Variants in SLC26A4 observed in about 807,000 individuals in gnomAD.
The protein encoded by SLC26A4 is pendrin.
In SLC26A4, 93 loss-of-function variants were observed where a neutral mutation model predicts 90.4. That is an observed-to-expected ratio of 1.03 (90% CI 0.87 to 1.22). The LOEUF (loss-of-function observed/expected upper bound fraction) is 1.22, where lower values mean the gene tolerates loss of function less well. SLC26A4 is among the 50% of genes most tolerant of loss of function. SLC26A4 has a pLI of 0.00. For missense variants in SLC26A4, 1,127 were observed against 946.2 expected, an observed-to-expected ratio of 1.19 and a Z score of -2.51; for synonymous variants, 393 against 354.6, an observed-to-expected ratio of 1.11 and a Z score of -1.22.
In SLC26A4 at chr7:107,716,381, T is replaced by G. The variant is rs1792346919; in HGVS notation, c.*935T>G. ...TGAGTTTATATTTTTTCTCAAAAATTTTAGCAGTGTGTAAAGTAAGTAATC... is the reference window on the plus strand; with the variant it reads ...TGAGTTTATATTTTTTCTCAAAAATGTTAGCAGTGTGTAAAGTAAGTAATC... On this transcript the variant is annotated 3_prime_UTR_variant, in exon 21 of 21. Transcript: ENST00000644269. 6.6e-6 allele frequency: 1 copy of G among 152,170 alleles called. No individual in the cohort carries two copies. Among genetic ancestry groups the G allele is most frequent in the South Asian group, 2.1e-4 (1 of 4,830 alleles). The allele number at this position is 152,170 out of a possible 1,614,324, so 9.4% of individuals were successfully genotyped here.
chr7:107,689,186 A>G lies in SLC26A4; in HGVS notation c.1135A>G (p.Ile379Val), dbSNP rs1256785857. The change falls in exon 9 of 21, where the codon ATC becomes GTC. Residue 379 changes from isoleucine (I) to valine (V), a missense_variant. Transcript: ENST00000644269. The part of the protein sequence containing the change: ...KVYATKYDYT[I>V]DGNQEFIAFG... ...ATATGCCACCAAGTATGATTACACC[A>G]TCGATGGGAACCAGGTATGGGTGCC... is the stretch of plus-strand genomic sequence containing the variant. 5 of 1,613,702 alleles carry G rather than the reference A, an allele frequency of 3.1e-6. No homozygotes were observed. The South Asian group carries it at 3.3e-5, about 11-fold the overall frequency.
At chr7:107,702,796 A>G (rs1298840481) in intron 17 of SLC26A4, among the ~76,000 whole-genome samples, 1 of 152,164 alleles carries the variant, frequency 6.6e-6, no homozygotes, top group Non-Finnish European at 1.5e-5. Flanking sequence ...ATATGAAAAG[A>G]AAAAAATGGG....
At chr7:107,680,254 T>A (rs13311385) in intron 6 of SLC26A4, among the ~76,000 whole-genome samples, 16 of 124,566 alleles carry the variant, frequency 1.3e-4, no homozygotes, top group Non-Finnish European at 1.9e-4. Context: ...ATAATCTTAT[T>A]ATATAATCTT....
intron 6 of SLC26A4, among the ~76,000 whole-genome samples, chr7:107,676,783 A>T (rs747548175): frequency 1.3e-5 from 2 of 152,166 alleles, no homozygotes; most frequent in Non-Finnish European, 2.9e-5. Flanking sequence ...ATACTATTAC[A>T]CTCCATCCAT....
Position 107,672,149 on chromosome 7 carries a change from G to A in SLC26A4, c.316G>A (p.Ala106Thr), listed in dbSNP as rs2129311226. Residue 106 changes from alanine to threonine, a missense_variant, in exon 4 of 21, where the codon GCC (alanine) becomes ACC (threonine). Transcript: ENST00000644269. ...LVATLQGMAY[A>T]LLAAVPVGYG... Reference sequence around the variant, plus strand: ...GCATGTGCTTTCAGGGATGGCATATGCCCTACTAGCTGCAGTTCCTGTCGG... The same window carrying A: ...GCATGTGCTTTCAGGGATGGCATATACCCTACTAGCTGCAGTTCCTGTCGG... 4 of 1,608,210 alleles carry A rather than the reference G, an allele frequency of 2.5e-6. No individual in the cohort carries two copies. The highest frequency in any genetic ancestry group is 3.4e-6 in the Non-Finnish European group (4 of 1,174,724).
Position 107,663,992 on chromosome 7 carries a change from A to G in SLC26A4, c.304+557A>G, listed in dbSNP as rs144820342. 1.5e-3 allele frequency among the ~76,000 whole-genome samples: 226 copies of G among 151,958 alleles called. 1 individual carries two copies. Among genetic ancestry groups the G allele is most frequent in the South Asian group, 2.1e-3 (10 of 4,814 alleles). On this transcript the variant is annotated intron_variant, in intron 3 of 20. Coordinates refer to ENST00000644269, the MANE Select transcript of SLC26A4 (RefSeq NM_000441.2). Reference sequence around the variant, plus strand: ...GCCACTGCACCCAGCCAGCTTCTCTATTTTCATTGACCACAATTCAATAAG... The same window carrying G: ...GCCACTGCACCCAGCCAGCTTCTCTGTTTTCATTGACCACAATTCAATAAG...
chr7:107,714,355 A>G (rs1200242218), intron 20 of SLC26A4, among the ~76,000 whole-genome samples: 1 of 152,160 alleles, frequency 6.6e-6, no homozygotes, highest in Non-Finnish European at 1.5e-5. Flanking sequence ...TGCAAAGAAA[A>G]CATTCAACCC....
At chr7:107,683,121 A>T in intron 6 of SLC26A4, 81 bp from the exon 7 acceptor site, 1 of 1,026,884 alleles carries the variant, frequency 9.7e-7, no homozygotes, top group Non-Finnish European at 1.5e-6. Flanking sequence ...TCATATGAGA[A>T]TTGATTGTGT....
chr7:107,671,911 C>G (rs1435850698), intron 3 of SLC26A4, among the ~76,000 whole-genome samples: 1 of 152,184 alleles, frequency 6.6e-6, no homozygotes, highest in Non-Finnish European at 1.5e-5. Flanking sequence ...TAACGCAAGC[C>G]TATTTTATAA....
At chr7:107,714,179 C>T (rs1157931049) in intron 20 of SLC26A4, among the ~76,000 whole-genome samples, 1 of 152,006 alleles carries the variant, frequency 6.6e-6, no homozygotes, top group Non-Finnish European at 1.5e-5. Flanking sequence ...ACCTGCCTTG[C>T]CCTCCCAGAT....
At chr7:107,711,576 G>T (rs1435677679) in intron 19 of SLC26A4, among the ~76,000 whole-genome samples, 1 of 152,156 alleles carries the variant, frequency 6.6e-6, no homozygotes, top group East Asian at 1.9e-4. Flanking sequence ...AAGTGGGTTG[G>T]ACATTCCTGG....
chr7:107,699,206 G>T (rs567431078), intron 14 of SLC26A4, among the ~76,000 whole-genome samples: 6 of 152,172 alleles, frequency 3.9e-5, no homozygotes, highest in African/African-American at 1.4e-4. Context: ...TGACTTCTAG[G>T]CTCCATCTTG....
At chr7:107,712,318 A>T (rs1792213559) in intron 19 of SLC26A4, among the ~76,000 whole-genome samples, 1 of 152,238 alleles carries the variant, frequency 6.6e-6, no homozygotes, top group Admixed American at 6.5e-5. Context: ...GCTGAAAAGG[A>T]GTTTACACAA....
chr7:107,675,574 C>CTTTTTTTT (rs563755979), intron 6 of SLC26A4, among the ~76,000 whole-genome samples: 1 of 130,998 alleles, frequency 7.6e-6, no homozygotes, highest in Non-Finnish European at 1.6e-5. Flanking sequence ...TTCTTTCTTT[C>CTTTTTTTT]TTTTTTTTTT....
Position 107,661,586 on chromosome 7 carries a change from G to T in SLC26A4, c.-3-53G>T. On this transcript the variant is annotated intron_variant, in intron 1 of 20. Coordinates refer to ENST00000644269, the MANE Select transcript of SLC26A4 (RefSeq NM_000441.2). The surrounding 1 kb of genome is among the most constrained non-coding windows in gnomAD (Gnocchi z 5.1). ...TTTCTGTTCCTCGCTCTTCCCCTCC[G>T]ATCGTCCTCGCTTACCGCGTGTCCT... 1 of 1,526,476 alleles carries T rather than the reference G, an allele frequency of 6.6e-7. No homozygotes were observed. Among genetic ancestry groups the T allele is most frequent in the South Asian group, 1.2e-5 (1 of 83,786 alleles). 94.6% of individuals were successfully genotyped at this position (1,526,476 alleles called of 1,614,324 possible).
chr7:107,674,254 C>T lies in SLC26A4; in HGVS notation c.506C>T (p.Thr169Ile), dbSNP rs1790954678. ...TTTCTCGTATCCAGCAGCAATGGAA[C>T]TGTATTAAATACTACTATGATAGAC... is the stretch of plus-strand genomic sequence containing the variant. The part of the protein sequence containing the change: ...EHFLVSSSNG[T>I]VLNTTMIDTA... Residue 169 changes from threonine to isoleucine, a missense_variant, in exon 5 of 21, where the codon ACT becomes ATT. Coordinates refer to ENST00000644269, the MANE Select transcript of SLC26A4 (RefSeq NM_000441.2). 4.3e-6 allele frequency: 7 copies of T among 1,614,030 alleles called. No homozygotes were observed. Among genetic ancestry groups the T allele is most frequent in the Non-Finnish European group, 5.9e-6 (7 of 1,179,916 alleles).
At position 107,714,382 on chromosome 7, in the gene SLC26A4, G is replaced by A. The variant is rs147272634; in HGVS notation, c.2320-1041G>A. On this transcript the variant is annotated intron_variant, in intron 20 of 20. Coordinates refer to ENST00000644269, the MANE Select transcript of SLC26A4 (RefSeq NM_000441.2). ...ATTCAACCCCCTATAGTGAAATCAG[G>A]CAGTAAGGATGACAGGCAGAGATTT... is the stretch of plus-strand genomic sequence containing the variant. Among the ~76,000 whole-genome samples the A allele has an allele frequency of 8.8e-3, 1,345 of 152,262 alleles. 8 individuals are homozygous for A. Among genetic ancestry groups the A allele is most frequent in the Non-Finnish European group, 0.013 (914 of 68,014 alleles).
Position 107,690,205 on chromosome 7 carries a change from G to C in SLC26A4, c.1231G>C (p.Ala411Pro), listed in dbSNP as rs1293971731. ...FVATTALSRT[A>P]VQESTGGKTQ... ...GGCCACCACTGCTCTTTCCCGCACG[G>C]CCGTCCAGGAGAGCACTGGAGGAAA... Residue 411 changes from alanine to proline, a missense_variant, in exon 10 of 21, where the codon GCC becomes CCC. Physicochemically the swap from Ala to Pro is conservative, Grantham distance 27 (BLOSUM62 -1). Transcript: ENST00000644269. 2 of 1,611,700 alleles carry C rather than the reference G, an allele frequency of 1.2e-6. No homozygotes were observed. The highest frequency in any genetic ancestry group is 3.3e-5 in the Admixed American group (2 of 59,984).
intron 20 of SLC26A4, among the ~76,000 whole-genome samples, chr7:107,713,256 A>C (rs886519353): frequency 6.6e-6 from 1 of 152,256 alleles, no homozygotes; most frequent in African/African-American, 2.4e-5. Context: ...TAGCCCATGC[A>C]GAAATCCTTC....
Sources: allele counts gnomAD v4.1 joint callset (sites outside exome capture counted in the v4.1 genomes callset), GRCh38; gene constraint gnomAD v4.1.1; non-coding constraint Gnocchi (gnomAD v3.1); transcripts MANE v1.5; gene names NCBI Gene and HGNC (gene_info 2026-07-23, HGNC 2026-07-21).